MTA3: variants seen among roughly 807,000 people sequenced by gnomAD.
The protein encoded by MTA3 is metastasis associated 1 family member 3, also known as metastasis-associated protein MTA3.
Under a neutral mutation model 83.5 loss-of-function variants are expected in MTA3, and 34 were observed. The observed-to-expected ratio is 0.41, with a 90% confidence interval of 0.31 to 0.54. MTA3 has a LOEUF of 0.54. MTA3 is among the 20% of genes least tolerant of loss of function. MTA3 has a pLI of 0.33. For synonymous variants in MTA3, 303 were observed against 252.7 expected (o/e 1.20, Z -1.89); for missense variants, 761 against 726.4 (o/e 1.05, Z -0.55).
intron 2 of MTA3, among the ~76,000 whole-genome samples, chr2:42,553,233 GGC>G (rs1677203032): frequency 6.6e-6 from 1 of 151,790 alleles, no homozygotes; most frequent in Non-Finnish European, 1.5e-5. Flanking sequence ...AGACAATCCT[GGC>G]TAACGCGGTG....
chr2:42,607,806 C>T (rs1808001), intron 3 of MTA3, among the ~76,000 whole-genome samples: 116,117 of 151,954 alleles, frequency 0.76, 44,898 homozygotes, highest in South Asian at 0.88. Flanking sequence ...CAAAAATTAG[C>T]CAGGTGTGGT....
intron 16 of MTA3, among the ~76,000 whole-genome samples, chr2:42,737,104 G>A (rs942205537): frequency 6.6e-6 from 1 of 151,890 alleles, no homozygotes; most frequent in African/African-American, 2.4e-5. Context: ...GGGAAGTGTG[G>A]TGTAAGCATT....
At chr2:42,626,529 C>T (rs561094832) in intron 4 of MTA3, among the ~76,000 whole-genome samples, 10 of 151,776 alleles carry the variant, frequency 6.6e-5, no homozygotes, top group African/African-American at 2.4e-4. Flanking sequence ...AACTCCTGAC[C>T]TCGTGATCCG....
At chr2:42,594,915 TATTC>T (rs1681591602) in intron 3 of MTA3, among the ~76,000 whole-genome samples, 1 of 100,730 alleles carries the variant, frequency 9.9e-6, no homozygotes, top group Non-Finnish European at 2.0e-5. Context: ...TTTATTTATT[TATTC>T]ATTTATTTAT....
intron 2 of MTA3, among the ~76,000 whole-genome samples, chr2:42,497,899 T>C (rs1674217255): frequency 6.6e-6 from 1 of 152,324 alleles, no homozygotes; most frequent in Non-Finnish European, 1.5e-5. Context: ...ATTGGATAAG[T>C]GAATTGATTT....
intron 16 of MTA3, among the ~76,000 whole-genome samples, chr2:42,726,667 G>A (rs994360978): frequency 1.3e-5 from 2 of 152,112 alleles, no homozygotes; most frequent in African/African-American, 4.8e-5. Flanking sequence ...GTGAATTTGG[G>A]CTAGCAGAAA....
chr2:42,734,818 A>T (rs1292825355), intron 16 of MTA3, among the ~76,000 whole-genome samples: 1 of 152,206 alleles, frequency 6.6e-6, no homozygotes, highest in Non-Finnish European at 1.5e-5. Flanking sequence ...TAAACAGACA[A>T]ACAAATAGGC....
chr2:42,566,289 C>T (rs1262400373), upstream of MTA3, among the ~76,000 whole-genome samples: 2 of 152,132 alleles, frequency 1.3e-5, no homozygotes, highest in Non-Finnish European at 2.9e-5. Context: ...ATTTGCTGAA[C>T]TCCTTTATGT....
chr2:42,576,528 G>T (rs950836242), intron 2 of MTA3, among the ~76,000 whole-genome samples: 8 of 152,184 alleles, frequency 5.3e-5, no homozygotes, highest in Non-Finnish European at 1.2e-4. Context: ...TGCTCGAGAG[G>T]CTGAGGCAGG....
intron 16 of MTA3, among the ~76,000 whole-genome samples, chr2:42,740,756 C>T (rs1407932534): frequency 1.3e-5 from 2 of 152,216 alleles, no homozygotes; most frequent in East Asian, 3.8e-4. Flanking sequence ...AACAGAGGTG[C>T]TATCATTTAG....
At chr2:42,495,319 G>C (rs1407563234) in intron 2 of MTA3, 1 of 152,392 alleles carries the variant, frequency 6.6e-6, no homozygotes, top group Non-Finnish European at 1.5e-5. Context: ...ATCTCTGTGA[G>C]TTGTTTATCC....
chr2:42,752,951 G>C (rs1030018138), intron 16 of MTA3, among the ~76,000 whole-genome samples: 1 of 150,302 alleles, frequency 6.7e-6, no homozygotes, highest in African/African-American at 2.5e-5. Context: ...TTCAGACAGG[G>C]TCTTGCTCTG....
intron 12 of MTA3, among the ~76,000 whole-genome samples, chr2:42,706,401 A>G (rs917476962): frequency 3.3e-5 from 5 of 152,204 alleles, no homozygotes; most frequent in Admixed American, 1.3e-4. Flanking sequence ...GGCCTAAAAT[A>G]TTTACACAAA....
At chr2:42,609,127 T>A (rs981469149) in intron 3 of MTA3, among the ~76,000 whole-genome samples, 6 of 151,132 alleles carry the variant, frequency 4.0e-5, no homozygotes, top group African/African-American at 1.5e-4. Flanking sequence ...ACCCCCTGGA[T>A]TCAAGCAGTT....
At chr2:42,738,127 T>C (rs1242365553) in intron 16 of MTA3, among the ~76,000 whole-genome samples, 1 of 152,128 alleles carries the variant, frequency 6.6e-6, no homozygotes, top group Admixed American at 6.5e-5. Flanking sequence ...CTGATCATGG[T>C]GGCATGTGCC....
intron 8 of MTA3, among the ~76,000 whole-genome samples, chr2:42,665,229 T>G (rs1690127769): frequency 6.6e-6 from 1 of 151,968 alleles, no homozygotes; most frequent in South Asian, 2.1e-4. Flanking sequence ...CCATCTCTAC[T>G]AAAAATACAA....
rs145112298 is a variant in MTA3, at chr2:42,577,058, C to T, written c.97-2049C>T. 4.3e-3 allele frequency among the ~76,000 whole-genome samples: 581 copies of T among 135,766 alleles called. 6 individuals are homozygous for T. Among genetic ancestry groups the T allele is most frequent in the African/African-American group, 0.016 (563 of 35,818 alleles). 89.1% of individuals were successfully genotyped at this position (135,766 alleles called of 152,430 possible). ...GCAGTGAGCCGAGATTGTGCCACTG[C>T]ACTCAAGCCTGGCAACAGAATGGTA... On this transcript the variant is annotated intron_variant, in intron 2 of 16. Transcript: ENST00000405094.
At chr2:42,567,802 G>A (rs1371697916), upstream of MTA3, among the ~76,000 whole-genome samples, 3 of 152,156 alleles carry the variant, frequency 2.0e-5, no homozygotes, top group South Asian at 6.2e-4. Flanking sequence ...TCCTCTGTTT[G>A]GGGGTGGTGG....
At chr2:42,525,520 CCCTT>C (rs749618852) in intron 2 of MTA3, among the ~76,000 whole-genome samples, 3 of 64,322 alleles carry the variant, frequency 4.7e-5, no homozygotes, top group Non-Finnish European at 6.5e-5. Context: ...TTCCTTTCTT[CCCTT>C]CCTTCCTTCC....
Sources: allele counts gnomAD v4.1 joint callset (sites outside exome capture counted in the v4.1 genomes callset), GRCh38; gene constraint gnomAD v4.1.1; transcripts MANE v1.5; gene names NCBI Gene and HGNC (gene_info 2026-07-23, HGNC 2026-07-21).